The following SCD5 variants were observed in gnomAD, a reference collection of about 807,000 sequenced individuals.
The protein encoded by SCD5 is stearoyl-CoA desaturase 5.
Under a neutral mutation model 30.4 loss-of-function variants are expected in SCD5, and 20 were observed. The ratio of observed to expected loss-of-function variants is 0.66; its 90% confidence interval spans 0.46 to 0.96. The LOEUF (loss-of-function observed/expected upper bound fraction) is 0.96. Ranked by LOEUF, SCD5 falls within the 40% of genes least tolerant of loss-of-function variation. SCD5 has a pLI of 0.00. For synonymous variants in SCD5, 173 were observed against 176.4 expected (o/e 0.98, Z 0.16); for missense variants, 381 against 443.3 (o/e 0.86, Z 1.26).
intron 3 of SCD5, among the ~76,000 whole-genome samples, chr4:82,667,974 A>G (rs574392117): frequency 6.6e-6 from 1 of 152,316 alleles, no homozygotes; most frequent in South Asian, 2.1e-4. Flanking sequence ...GGAATGTTTG[A>G]AAAGAATAAA....
intron 1 of SCD5, among the ~76,000 whole-genome samples, chr4:82,727,263 T>C (rs1468361370): frequency 6.6e-6 from 1 of 152,200 alleles, no homozygotes; most frequent in South Asian, 2.1e-4. Context: ...ACCACCTGCA[T>C]TGTCTCTGGA....
At chr4:82,763,138 C>T (rs1721415006) in intron 1 of SCD5, among the ~76,000 whole-genome samples, 1 of 152,164 alleles carries the variant, frequency 6.6e-6, no homozygotes, top group Non-Finnish European at 1.5e-5. Context: ...AACCGTGTTC[C>T]CACCCAACTC....
intron 1 of SCD5, among the ~76,000 whole-genome samples, chr4:82,766,613 T>C (rs1427579886): frequency 1.3e-5 from 2 of 152,260 alleles, no homozygotes; most frequent in African/African-American, 4.8e-5. Context: ...ATGGGTTGCA[T>C]CTTCCTGCTT....
intron 1 of SCD5, among the ~76,000 whole-genome samples, chr4:82,780,200 T>C (rs1390951256): frequency 6.6e-6 from 1 of 152,200 alleles, no homozygotes; most frequent in Non-Finnish European, 1.5e-5. Flanking sequence ...GGAATGCATT[T>C]TCCCTGGTGT....
chr4:82,661,621 GC>G (rs1728009366), intron 3 of SCD5, among the ~76,000 whole-genome samples: 1 of 152,340 alleles, frequency 6.6e-6, no homozygotes, highest in South Asian at 2.1e-4. Flanking sequence ...TGTGTTTCTA[GC>G]TAATCACTCC....
intron 3 of SCD5, among the ~76,000 whole-genome samples, chr4:82,677,348 G>T (rs1728458909): frequency 6.6e-6 from 1 of 152,136 alleles, no homozygotes. Context: ...CCCAAGTCTG[G>T]GCCCCAAATG....
chr4:82,650,831 TTA>T (rs1560524285), intron 3 of SCD5, among the ~76,000 whole-genome samples: 1 of 60,742 alleles, frequency 1.6e-5, no homozygotes, highest in Non-Finnish European at 4.6e-5. Context: ...TATATGTTAA[TTA>T]TATATAAGAT....
intron 2 of SCD5, among the ~76,000 whole-genome samples, chr4:82,693,898 G>A (rs1471764995): frequency 1.3e-5 from 2 of 152,188 alleles, no homozygotes; most frequent in Non-Finnish European, 2.9e-5. Flanking sequence ...TGCACACACT[G>A]GCCGGACACA....
chr4:82,728,456 G>A (rs934034399), intron 1 of SCD5, among the ~76,000 whole-genome samples: 1 of 152,170 alleles, frequency 6.6e-6, no homozygotes, highest in Admixed American at 6.5e-5. Flanking sequence ...ATCCCTTACT[G>A]CTCAGGAGTC....
rs148204159 is a variant in SCD5 at position 82,646,924 on chromosome 4, G to A, written c.570-10101C>T. Among the ~76,000 whole-genome samples, 441 of 152,356 alleles carry A rather than the reference G, an allele frequency of 2.9e-3. 3 individuals carry two copies. The highest frequency in any genetic ancestry group is 9.9e-3 in the African/African-American group (411 of 41,582). ...TGCAACCTCCGCTTCCTGGGTTCAAGTGATTCTCCTGCCTCAGCCTCCCCA... is the reference window on the plus strand; with the variant it reads ...TGCAACCTCCGCTTCCTGGGTTCAAATGATTCTCCTGCCTCAGCCTCCCCA... On this transcript the variant is annotated intron_variant, in intron 3 of 4. Coordinates refer to ENST00000319540, the MANE Select transcript of SCD5 (RefSeq NM_001037582.3).
At chr4:82,647,868 G>A (rs976298083) in intron 3 of SCD5, among the ~76,000 whole-genome samples, 2 of 152,202 alleles carry the variant, frequency 1.3e-5, no homozygotes, top group African/African-American at 2.4e-5. Context: ...AGTAAGAGGA[G>A]TAGAAAATAA....
At chr4:82,668,319 T>C (rs1457363884) in intron 3 of SCD5, among the ~76,000 whole-genome samples, 6 of 149,756 alleles carry the variant, frequency 4.0e-5, no homozygotes, top group Admixed American at 1.3e-4. Context: ...ATGGGAGAGA[T>C]TGAATGGGGA....
intron 3 of SCD5, among the ~76,000 whole-genome samples, chr4:82,650,772 A>G (rs1169142298): frequency 1.3e-5 from 2 of 152,128 alleles, no homozygotes; most frequent in Non-Finnish European, 2.9e-5. Flanking sequence ...CTGTATGGGA[A>G]ATTAAAACTG....
chr4:82,696,629 G>C (rs1719702449), intron 2 of SCD5, among the ~76,000 whole-genome samples: 1 of 152,146 alleles, frequency 6.6e-6, no homozygotes, highest in Non-Finnish European at 1.5e-5. Flanking sequence ...TTAGAAATAT[G>C]AATAGAAATT....
At chr4:82,680,941 G>T (rs199909062) in intron 2 of SCD5, 29 bp from the exon 3 acceptor site, 1 of 1,595,828 alleles carries the variant, frequency 6.3e-7, no homozygotes, top group Non-Finnish European at 8.5e-7. Flanking sequence ...CCTGAGTGAA[G>T]AGAGGAACCG....
intron 3 of SCD5, among the ~76,000 whole-genome samples, chr4:82,667,284 A>G (rs7688095): frequency 0.65 from 97,528 of 150,494 alleles, 31,877 homozygotes; most frequent in Middle Eastern, 0.81. Flanking sequence ...ACACACACAC[A>G]CACGCACGCA....
At chr4:82,742,474 G>A (rs1292013575) in intron 1 of SCD5, among the ~76,000 whole-genome samples, 2 of 152,162 alleles carry the variant, frequency 1.3e-5, no homozygotes, top group Admixed American at 1.3e-4. Flanking sequence ...TAAATCCCCA[G>A]ATAACACCTG....
At chr4:82,752,749 C>T (rs1368587608) in intron 1 of SCD5, among the ~76,000 whole-genome samples, 1 of 152,166 alleles carries the variant, frequency 6.6e-6, no homozygotes, top group Non-Finnish European at 1.5e-5. Flanking sequence ...GCTTCTCTCT[C>T]TTCCCCATTC....
At chr4:82,739,652 A>T (rs1429506082) in intron 1 of SCD5, among the ~76,000 whole-genome samples, 1 of 152,248 alleles carries the variant, frequency 6.6e-6, no homozygotes, top group Non-Finnish European at 1.5e-5. Context: ...AAAGAAATGC[A>T]CTATGATTCA....
Sources: allele counts gnomAD v4.1 joint callset (sites outside exome capture counted in the v4.1 genomes callset), GRCh38; gene constraint gnomAD v4.1.1; transcripts MANE v1.5; gene names NCBI Gene and HGNC (gene_info 2026-07-23, HGNC 2026-07-21).